The following FGD5 variants were observed in gnomAD, a reference collection of about 807,000 sequenced individuals.
FGD5 encodes FYVE, RhoGEF and PH domain-containing protein 5.
In FGD5, 28 loss-of-function variants were observed where a neutral mutation model predicts 133.4. The ratio of observed to expected loss-of-function variants is 0.21; its 90% confidence interval spans 0.16 to 0.29. The LOEUF (loss-of-function observed/expected upper bound fraction) is 0.29. Among genes scored for constraint, FGD5 ranks in the 10% least tolerant of loss-of-function variants. The pLI is 1.00. For missense variants in FGD5, 1,858 were observed against 1,895.2 expected, an observed-to-expected ratio of 0.98 and a Z score of 0.36; for synonymous variants, 810 against 776.5, an observed-to-expected ratio of 1.04 and a Z score of -0.72.
Position 14,922,041 on chromosome 3 carries a change from G to A in FGD5, c.3669+24G>A, listed in dbSNP as rs1308672006. 2.6e-6 allele frequency: 4 copies of A among 1,549,936 alleles called. No homozygotes were observed. In the African/African-American group the frequency reaches 4.1e-5, roughly 16 times the overall value. On this transcript the variant is annotated intron_variant, in intron 14 of 19. Coordinates refer to ENST00000285046, the MANE Select transcript of FGD5 (RefSeq NM_152536.4). The surrounding 1 kb of genome is among the most constrained non-coding windows in gnomAD (Gnocchi z 4.1). ...AGGTGAGTGGGTGGGCAGGGCCCAC[G>A]GGCCACCAGCTTCAGAGACCTGGGG...
intron 1 of FGD5, chr3:14,811,304 C>A (rs978093022): frequency 4.6e-5 from 7 of 152,324 alleles, no homozygotes; most frequent in Admixed American, 3.9e-4. Flanking sequence ...GGGCCCGTCC[C>A]GGAGCTCTCT....
intron 19 of FGD5, 83 bp downstream of exon 19, chr3:14,932,814 C>G: frequency 6.7e-7 from 1 of 1,492,908 alleles, no homozygotes; most frequent in Non-Finnish European, 9.1e-7. Context: ...GGCTTCTGTT[C>G]TGCTCCATTC....
At chr3:14,837,797 C>G (rs1293597742) in intron 1 of FGD5, among the ~76,000 whole-genome samples, 5 of 152,166 alleles carry the variant, frequency 3.3e-5, no homozygotes, top group African/African-American at 1.2e-4. Context: ...TGCTGTGTAG[C>G]CTTTTTCTTG....
intron 4 of FGD5, among the ~76,000 whole-genome samples, chr3:14,885,890 A>C (rs2037917207): frequency 6.6e-6 from 1 of 152,222 alleles, no homozygotes; most frequent in African/African-American, 2.4e-5. Context: ...CCATTGAGAT[A>C]GGAGAGATTG....
Position 14,918,005 on chromosome 3 carries a change from T to C in FGD5, c.3489+673T>C, listed in dbSNP as rs149854784. ...GTATGGGTCAGAATTTTCCTTCCAT[T>C]GTGTGGATAGACCACATGGTGTTTA... On this transcript the variant is annotated intron_variant, in intron 12 of 19. Coordinates refer to ENST00000285046, the MANE Select transcript of FGD5 (RefSeq NM_152536.4). Among the ~76,000 whole-genome samples, 11 of 152,350 alleles carry C rather than the reference T, an allele frequency of 7.2e-5. No homozygotes were observed. The East Asian group carries it at 1.9e-3, about 27-fold the overall frequency.
intron 2 of FGD5, 86 bp downstream of exon 2, chr3:14,864,346 C>T (rs1421419422): frequency 1.0e-5 from 16 of 1,583,186 alleles, no homozygotes; most frequent in African/African-American, 1.3e-5. Context: ...TCCCTTGGTG[C>T]GGACGGAGCT....
At chr3:14,882,737 C>T (rs1171749494) in intron 4 of FGD5, among the ~76,000 whole-genome samples, 1 of 150,150 alleles carries the variant, frequency 6.7e-6, no homozygotes, top group African/African-American at 2.5e-5. Flanking sequence ...AAGTTGGTTG[C>T]AGGAAGTTGT....
chr3:14,905,625 G>A (rs1230129404), intron 9 of FGD5, among the ~76,000 whole-genome samples: 2 of 151,922 alleles, frequency 1.3e-5, no homozygotes, highest in Non-Finnish European at 2.9e-5. Context: ...TCCATTGGAC[G>A]CTCACGTATG....
chr3:14,870,892 G>A (rs568539950), intron 2 of FGD5, among the ~76,000 whole-genome samples: 110 of 152,152 alleles, frequency 7.2e-4, no homozygotes, highest in Non-Finnish European at 1.3e-3. Flanking sequence ...CTGAATTCCT[G>A]ACGTGTCATC....
chr3:14,811,721 A>G (rs1280717556), intron 1 of FGD5, among the ~76,000 whole-genome samples: 1 of 152,192 alleles, frequency 6.6e-6, no homozygotes, highest in East Asian at 1.9e-4. Flanking sequence ...CGAGACTCGG[A>G]GATGGGTGGT....
In FGD5 at chr3:14,820,283, G is replaced by A. The variant is rs771062817; in HGVS notation, c.1212G>A (p.Ala404=). Residue 404 remains alanine (A), a synonymous_variant, in exon 1 of 20, where the codon GCG becomes GCA. Transcript: ENST00000285046. The part of the protein sequence containing the change: ...CGQCGSLQGG[A]AEGPAAPDVV... ...AGTGTGGCTCCCTACAGGGTGGAGC[G>A]GCCGAGGGTCCCGCAGCCCCTGATG... The A allele has an allele frequency of 1.1e-5, 17 of 1,604,974 alleles. No individual in the cohort carries two copies. The highest frequency in any genetic ancestry group is 8.0e-5 in the African/African-American group (6 of 74,900).
In FGD5 at chr3:14,898,652, A is replaced by G. The variant is rs2038181487; in HGVS notation, c.3067-87A>G. ...TCAGCTGGCCCGGGAAGAGGTGTGG[A>G]TGGGACAGTGTATATGGGCTGCTGT... On this transcript the variant is annotated intron_variant, in intron 6 of 19. Transcript: ENST00000285046. The G allele has an allele frequency of 3.8e-6, 4 of 1,063,028 alleles. No individual in the cohort carries two copies. In the South Asian group the frequency reaches 5.7e-5, roughly 15 times the overall value. The allele number at this position is 1,063,028 out of a possible 1,614,324, so 65.8% of individuals were successfully genotyped here.
chr3:14,868,052 G>A (rs912693931), intron 2 of FGD5, among the ~76,000 whole-genome samples: 1 of 152,066 alleles, frequency 6.6e-6, no homozygotes, highest in Non-Finnish European at 1.5e-5. Context: ...ACCTCTCCTC[G>A]CTCCCACTCG....
chr3:14,916,829 G>A lies in FGD5; in HGVS notation c.3406-420G>A, dbSNP rs137884317. On this transcript the variant is annotated intron_variant, in intron 11 of 19. Coordinates refer to ENST00000285046, the MANE Select transcript of FGD5 (RefSeq NM_152536.4). ...AACAGCATATACTCTTTTGTGCCTC[G>A]CTTCTTCACTCAGCATGATTTTGAG... is the stretch of plus-strand genomic sequence containing the variant. Among the ~76,000 whole-genome samples, 110 of 152,290 alleles carry A rather than the reference G, an allele frequency of 7.2e-4. 1 individual carries two copies. In the East Asian group the frequency reaches 0.017, roughly 24 times the overall value.
At chr3:14,810,792 C>G, upstream of FGD5, 1 of 983,784 alleles carries the variant, frequency 1.0e-6, no homozygotes, top group Non-Finnish European at 1.2e-6. Flanking sequence ...TGTGCGGAGT[C>G]GCACTGGGAC....
rs771391719 is a variant in FGD5 at position 14,897,993 on chromosome 3, TCAC to T, written c.2968_2970del (p.His990del). The T allele has an allele frequency of 6.2e-7, 1 of 1,613,850 alleles. No individual in the cohort carries two copies. Among genetic ancestry groups the T allele is most frequent in the South Asian group, 1.1e-5 (1 of 91,066 alleles). ...TCCTGGCCCGGGAGCAGGGGTTTGATCACCACGCCACTCACATCCTGCAGTTCG... is the reference window on the plus strand; with the variant it reads ...TCCTGGCCCGGGAGCAGGGGTTTGATCACGCCACTCACATCCTGCAGTTCG... On this transcript the variant is annotated inframe_deletion, in exon 6 of 20. Coordinates refer to ENST00000285046, the MANE Select transcript of FGD5 (RefSeq NM_152536.4).
Position 14,900,384 on chromosome 3 carries a change from G to C in FGD5, c.3155-19G>C. 1 of 1,612,392 alleles carries C rather than the reference G, an allele frequency of 6.2e-7. No homozygotes were observed. Among genetic ancestry groups the C allele is most frequent in the Middle Eastern group, 1.7e-4 (1 of 6,060 alleles). On this transcript the variant is annotated intron_variant, in intron 7 of 19. Coordinates refer to ENST00000285046, the MANE Select transcript of FGD5 (RefSeq NM_152536.4). ...TGACCTCACCAGTAGCTGACTCCTG[G>C]TTCTTATCCTGCCAACAGACTATTT...
chr3:14,827,989 AG>A (rs1559471088), intron 1 of FGD5, among the ~76,000 whole-genome samples: 3 of 152,102 alleles, frequency 2.0e-5, no homozygotes. Flanking sequence ...CATGCCCAGG[AG>A]TTTGTGTTTG....
At chr3:14,874,250 G>A (rs936722037) in intron 2 of FGD5, among the ~76,000 whole-genome samples, 8 of 152,178 alleles carry the variant, frequency 5.3e-5, no homozygotes, top group Admixed American at 1.3e-4. Flanking sequence ...CAGGCATGGT[G>A]GCTCATGCCT....
Sources: allele counts gnomAD v4.1 joint callset (sites outside exome capture counted in the v4.1 genomes callset), GRCh38; gene constraint gnomAD v4.1.1; non-coding constraint Gnocchi (gnomAD v3.1); transcripts MANE v1.5; gene names NCBI Gene and HGNC (gene_info 2026-07-23, HGNC 2026-07-21).